The following ARB2A variants were observed in gnomAD, a reference collection of about 807,000 sequenced individuals.
The protein encoded by ARB2A is cotranscriptional regulator ARB2A.
chr5:93,936,135 C>T, the ARB2A span, among the ~76,000 whole-genome samples: 30 of 151,998 alleles, frequency 2.0e-4, no homozygotes, highest in Middle Eastern at 3.4e-3. Flanking sequence ...AAATTTAAAC[C>T]GATTAAAATC....
the ARB2A span, among the ~76,000 whole-genome samples, chr5:93,980,676 T>C: frequency 6.6e-6 from 1 of 152,190 alleles, no homozygotes; most frequent in African/African-American, 2.4e-5. Context: ...AGATAAGTTA[T>C]CTTCTAGTAG....
the ARB2A span, among the ~76,000 whole-genome samples, chr5:94,035,019 A>C: frequency 6.6e-6 from 1 of 151,256 alleles, no homozygotes; most frequent in South Asian, 2.1e-4. Context: ...AACATCCCCC[A>C]CCCCCAGTCC....
At chr5:93,739,046 A>G in the ARB2A span, 1 of 152,188 alleles carries the variant, frequency 6.6e-6, no homozygotes, top group Admixed American at 6.5e-5. Flanking sequence ...TGACAGTAAA[A>G]TTATCCCTGG....
At chr5:93,947,511 T>TTTA in the ARB2A span, among the ~76,000 whole-genome samples, 5,866 of 150,264 alleles carry the variant, frequency 0.039, 289 homozygotes, top group African/African-American at 0.12. Flanking sequence ...GTATCTTCTT[T>TTTA]TTATTATTAT....
chr5:93,927,363 T>C, the ARB2A span, among the ~76,000 whole-genome samples: 3 of 152,322 alleles, frequency 2.0e-5, no homozygotes, highest in Middle Eastern at 6.8e-3. Flanking sequence ...CTAATGATTC[T>C]AACCTTGCTC....
the ARB2A span, among the ~76,000 whole-genome samples, chr5:93,698,935 AG>A: frequency 2.7e-4 from 41 of 152,350 alleles, no homozygotes; most frequent in African/African-American, 8.9e-4. Flanking sequence ...AAGCTCTTCC[AG>A]GTTACAGGAG....
chr5:93,633,710 G>A, the ARB2A span, among the ~76,000 whole-genome samples: 1 of 152,092 alleles, frequency 6.6e-6, no homozygotes, highest in African/African-American at 2.4e-5. Context: ...TGTTTCTTTC[G>A]ATTCTAAAAT....
At chr5:93,990,957 T>C in the ARB2A span, among the ~76,000 whole-genome samples, 2 of 152,122 alleles carry the variant, frequency 1.3e-5, no homozygotes, top group Non-Finnish European at 2.9e-5. Context: ...TCAGGGAAAC[T>C]GTATGGCACG....
At chr5:93,934,012 CA>C in the ARB2A span, among the ~76,000 whole-genome samples, 2 of 150,086 alleles carry the variant, frequency 1.3e-5, no homozygotes, top group Admixed American at 6.6e-5. Context: ...CTCAAACAAA[CA>C]AAAAAAAGGA....
At chr5:94,076,394 T>C in the ARB2A span, among the ~76,000 whole-genome samples, 9 of 152,186 alleles carry the variant, frequency 5.9e-5, no homozygotes, top group African/African-American at 2.2e-4. Context: ...ATGAATAAAA[T>C]GTGTCTATAT....
the ARB2A span, among the ~76,000 whole-genome samples, chr5:93,926,789 T>G: frequency 1.3e-5 from 2 of 151,922 alleles, no homozygotes; most frequent in Non-Finnish European, 2.9e-5. Context: ...CTAACAAGTT[T>G]CTAATGCAAG....
the ARB2A span, among the ~76,000 whole-genome samples, chr5:93,938,338 T>C: frequency 6.6e-6 from 1 of 152,192 alleles, no homozygotes; most frequent in Non-Finnish European, 1.5e-5. Flanking sequence ...ATTTCAAGAT[T>C]AAATTTTCTG....
chr5:93,688,347 A>T, the ARB2A span, among the ~76,000 whole-genome samples: 1 of 152,108 alleles, frequency 6.6e-6, no homozygotes, highest in Admixed American at 6.6e-5. Flanking sequence ...CTAAAGGCAA[A>T]TTTTCTCCCA....
chr5:94,096,068 CAG>C, the ARB2A span, among the ~76,000 whole-genome samples: 1 of 152,176 alleles, frequency 6.6e-6, no homozygotes, highest in Admixed American at 6.5e-5. Context: ...CCAATTACAG[CAG>C]AGTGTATTAA....
At chr5:93,923,994 A>G in the ARB2A span, among the ~76,000 whole-genome samples, 1 of 152,128 alleles carries the variant, frequency 6.6e-6, no homozygotes, top group Non-Finnish European at 1.5e-5. Context: ...AAAGTTTTTG[A>G]GCAATGAAGG....
At chr5:93,640,011 C>T in the ARB2A span, among the ~76,000 whole-genome samples, 28 of 136,866 alleles carry the variant, frequency 2.0e-4, no homozygotes, top group Middle Eastern at 4.5e-3. Flanking sequence ...GAGCCGAGAT[C>T]GTGTCACTGC....
At chr5:93,744,730 G>A in the ARB2A span, among the ~76,000 whole-genome samples, 1 of 152,234 alleles carries the variant, frequency 6.6e-6, no homozygotes, top group Admixed American at 6.5e-5. Flanking sequence ...ATCAGAGGAA[G>A]GCAGTTGATG....
chr5:93,937,266 T>C, the ARB2A span, among the ~76,000 whole-genome samples: 1 of 151,248 alleles, frequency 6.6e-6, no homozygotes, highest in African/African-American at 2.4e-5. Flanking sequence ...TGTGTGTCTG[T>C]GTCTGTGTGG....
the ARB2A span, among the ~76,000 whole-genome samples, chr5:93,703,146 C>T: frequency 1.3e-5 from 2 of 152,150 alleles, no homozygotes; most frequent in Admixed American, 1.3e-4. Context: ...CCAAATTACC[C>T]TAAACACATA....
Sources: gnomAD v4.1 joint callset for allele counts (sites outside exome capture counted in the v4.1 genomes callset) on GRCh38, gnomAD v4.1.1 for gene constraint, MANE v1.5 for transcripts, NCBI Gene and HGNC (gene_info 2026-07-23, HGNC 2026-07-21) for gene names.